The following SLK variants were observed in gnomAD, a reference collection of about 807,000 sequenced individuals.
SLK encodes STE20-like serine/threonine-protein kinase.
Under a neutral mutation model 147.7 loss-of-function variants are expected in SLK, and 67 were observed. The observed-to-expected ratio is 0.45, with a 90% confidence interval of 0.37 to 0.56. The LOEUF (loss-of-function observed/expected upper bound fraction) is 0.56. Among genes scored for constraint, SLK ranks in the 20% least tolerant of loss-of-function variants. The pLI is 0.00. For missense variants in SLK, 1,136 were observed against 1,438.8 expected, an observed-to-expected ratio of 0.79 and a Z score of 3.41; for synonymous variants, 441 against 475.0, an observed-to-expected ratio of 0.93 and a Z score of 0.93.
intron 13 of SLK, among the ~76,000 whole-genome samples, chr10:104,015,914 AT>A (rs34883333): frequency 1.1e-4 from 16 of 150,182 alleles, no homozygotes; most frequent in Admixed American, 4.0e-4. Context: ...GTCTACACAG[AT>A]TTTTTTTTTA....
Position 103,990,800 on chromosome 10 carries a change from C to A in SLK, c.276C>A (p.Val92=). Residue 92 remains valine (V), a synonymous_variant, in exon 2 of 19, where the codon GTC becomes GTA. Transcript: ENST00000369755. ...ILASCDHPNI[V]KLLDAFYYEN... ...CATCTTGTGATCACCCAAATATAGT[C>A]AAGCTTCTAGATGCCTTCTATTATG... 6.5e-7 allele frequency: 1 copy of A among 1,541,228 alleles called. No homozygotes were observed. The highest frequency in any genetic ancestry group is 1.3e-5 in the South Asian group (1 of 76,464).
chr10:103,993,038 T>G lies in SLK; in HGVS notation c.419T>G (p.Leu140Ter). Residue 140 changes from leucine (L) to a stop codon, truncating the protein, a stop_gained, in exon 4 of 19, where the codon TTA (leucine) becomes TGA (stop). Coordinates refer to ENST00000369755, the MANE Select transcript of SLK (RefSeq NM_014720.4). LOFTEE classifies it high-confidence loss of function. ...ATACAAGTAGTTTGCAAGCAGACTTTAGATGCATTGAACTACTTACATGAT... is the reference window on the plus strand; with the variant it reads ...ATACAAGTAGTTTGCAAGCAGACTTGAGATGCATTGAACTACTTACATGAT... ...SQIQVVCKQTLDALNYLHDNK... is the reference protein window; with the variant it reads ...SQIQVVCKQT The G allele has an allele frequency of 6.2e-7, 1 of 1,610,528 alleles. No individual in the cohort carries two copies. Among genetic ancestry groups the G allele is most frequent in the Non-Finnish European group, 8.5e-7 (1 of 1,177,206 alleles).
In SLK at chr10:103,971,366, C is replaced by T. The variant is rs965220187; in HGVS notation, c.150+3471C>T. Among the ~76,000 whole-genome samples the T allele has an allele frequency of 2.0e-5, 3 of 152,144 alleles. No homozygotes were observed. The East Asian group carries it at 5.8e-4, about 29-fold the overall frequency. On this transcript the variant is annotated intron_variant, in intron 1 of 18. Coordinates refer to ENST00000369755, the MANE Select transcript of SLK (RefSeq NM_014720.4). ...CTCGGCTCACTGCAACCTCCGCCTC[C>T]CAGGTTCAAGCAATTCTCCTGCCTC...
intron 3 of SLK, 78 bp downstream of exon 3, chr10:103,992,724 T>C (rs1290324953): frequency 7.6e-7 from 1 of 1,308,548 alleles, no homozygotes; most frequent in African/African-American, 1.5e-5. Flanking sequence ...CATATATAAA[T>C]ATATTCAAAT....
intron 1 of SLK, among the ~76,000 whole-genome samples, chr10:103,982,242 A>G (rs1330922466): frequency 1.3e-5 from 2 of 152,110 alleles, no homozygotes; most frequent in Non-Finnish European, 2.9e-5. Flanking sequence ...ATCTATGCAC[A>G]TTTCCTCAGC....
intron 4 of SLK, among the ~76,000 whole-genome samples, chr10:103,997,634 G>A (rs1844192696): frequency 6.6e-6 from 1 of 151,958 alleles, no homozygotes. Context: ...AAGCGGTAAT[G>A]GGTATGAATT....
At position 104,029,160 on chromosome 10, in the gene SLK, T is replaced by G. The variant is rs1844635109; in HGVS notation, c.*3440T>G. ...AGAATTTTGTTTAAGATTATGCCTC[T>G]TATCTACTTGAGAGCAACATGTCTT... On this transcript the variant is annotated 3_prime_UTR_variant, in exon 19 of 19. Transcript: ENST00000369755. 1 of 152,234 alleles carries G rather than the reference T, an allele frequency of 6.6e-6. No homozygotes were observed. The highest frequency in any genetic ancestry group is 6.5e-5 in the Admixed American group (1 of 15,286). The allele number at this position is 152,234 out of a possible 1,614,324, so 9.4% of individuals were successfully genotyped here. A position where few individuals can be genotyped will look rare whatever the true frequency, so the allele number is the denominator to read the frequency against.
intron 1 of SLK, among the ~76,000 whole-genome samples, 172 bp from the exon 2 acceptor site, chr10:103,990,503 A>G (rs1844078034): frequency 6.6e-6 from 1 of 152,078 alleles, no homozygotes; most frequent in South Asian, 2.1e-4. Context: ...TCTTGCAAAT[A>G]TTTTCTCAGT....
Position 104,005,558 on chromosome 10 carries a change from C to G in SLK, c.2350-3C>G. 6.3e-7 allele frequency: 1 copy of G among 1,599,238 alleles called. No homozygotes were observed. Among genetic ancestry groups the G allele is most frequent in the Non-Finnish European group, 8.5e-7 (1 of 1,175,930 alleles). ...AGCCTAACTAAAATAAAATCTCACTCAGGAAACAAGAAGACAAAAGAAAAC... is the reference window on the plus strand; with the variant it reads ...AGCCTAACTAAAATAAAATCTCACTGAGGAAACAAGAAGACAAAAGAAAAC... On this transcript the variant is annotated splice_polypyrimidine_tract_variant and splice_region_variant and intron_variant, in intron 9 of 18. Transcript: ENST00000369755.
rs1441735053 is a variant in SLK, at chr10:104,005,896, C to A, written c.2481-16C>A. On this transcript the variant is annotated splice_polypyrimidine_tract_variant and intron_variant, in intron 10 of 18. Transcript: ENST00000369755. ...TTTTTGCTGTCTTCTCTATCATTACCATTAAATTTTATCAGACGTCAGGAA... is the reference window on the plus strand; with the variant it reads ...TTTTTGCTGTCTTCTCTATCATTACAATTAAATTTTATCAGACGTCAGGAA... 1.3e-6 allele frequency: 2 copies of A among 1,593,736 alleles called. No individual in the cohort carries two copies. The highest frequency in any genetic ancestry group is 2.7e-5 in the African/African-American group (2 of 73,136).
At chr10:103,978,764 A>G (rs1383098197) in intron 1 of SLK, among the ~76,000 whole-genome samples, 1 of 152,182 alleles carries the variant, frequency 6.6e-6, no homozygotes, top group Non-Finnish European at 1.5e-5. Context: ...TTTAATTTAT[A>G]AGATGATCAA....
At chr10:103,992,141 G>GTTTTTTTTTGT (rs1554842835) in intron 2 of SLK, among the ~76,000 whole-genome samples, 1 of 91,792 alleles carries the variant, frequency 1.1e-5, no homozygotes, top group Non-Finnish European at 2.1e-5. Context: ...TATTTCTTCT[G>GTTTTTTTTTGT]TTTTTTTTTT....
chr10:104,016,573 A>G (rs968211834), intron 13 of SLK, among the ~76,000 whole-genome samples: 5 of 152,180 alleles, frequency 3.3e-5, no homozygotes, highest in Non-Finnish European at 5.9e-5. Context: ...CCAAGTTGGT[A>G]ATTGCATTTT....
chr10:104,013,635 G>A (rs376908104), intron 13 of SLK, among the ~76,000 whole-genome samples: 245 of 152,324 alleles, frequency 1.6e-3, no homozygotes, highest in South Asian at 6.6e-3. Flanking sequence ...TCCACAGGGT[G>A]TTGCTCAGAT....
chr10:103,990,012 T>C (rs953332640), intron 1 of SLK, among the ~76,000 whole-genome samples: 1 of 152,120 alleles, frequency 6.6e-6, no homozygotes, highest in African/African-American at 2.4e-5. Context: ...TAAAAAGAAA[T>C]GAGTTATTAA....
At chr10:104,006,112 A>C in intron 11 of SLK, 77 bp downstream of exon 11, 3 of 1,420,170 alleles carry the variant, frequency 2.1e-6, no homozygotes, top group Non-Finnish European at 2.9e-6. Context: ...ACAGACAAAC[A>C]AAAAAGGTTG....
At chr10:104,008,999 T>C (rs1589542165) in intron 12 of SLK, among the ~76,000 whole-genome samples, 1 of 152,164 alleles carries the variant, frequency 6.6e-6, no homozygotes, top group African/African-American at 2.4e-5. Context: ...GAATGAGTTT[T>C]TTCATTGTTT....
intron 18 of SLK, among the ~76,000 whole-genome samples, chr10:104,024,145 ACATT>A (rs1844569001): frequency 1.3e-5 from 2 of 152,176 alleles, no homozygotes. Flanking sequence ...GTCACACCCT[ACATT>A]CAATCAGGCG....
At chr10:103,991,671 A>C (rs1022945724) in intron 2 of SLK, among the ~76,000 whole-genome samples, 2 of 152,054 alleles carry the variant, frequency 1.3e-5, no homozygotes, top group African/African-American at 2.4e-5. Context: ...TTTTCTGAAT[A>C]ATGTAATGAA....
Sources: gnomAD v4.1 joint callset for allele counts (sites outside exome capture counted in the v4.1 genomes callset) on GRCh38, gnomAD v4.1.1 for gene constraint, MANE v1.5 for transcripts, NCBI Gene and HGNC (gene_info 2026-07-23, HGNC 2026-07-21) for gene names.